Variants in DAB1 observed in about 807,000 individuals in gnomAD.
DAB1 encodes the protein DAB adaptor protein 1.
DAB1 carries 15 observed loss-of-function variants against 64.6 expected under a neutral mutation model. The ratio of observed to expected loss-of-function variants is 0.23; its 90% confidence interval spans 0.16 to 0.36. The LOEUF is 0.36. Ranked by LOEUF, DAB1 falls within the 10% of genes least tolerant of loss-of-function variation. The pLI, the probability that DAB1 is intolerant of heterozygous loss-of-function variation, is 1.00. For synonymous variants in DAB1, 235 were observed against 251.9 expected, an observed-to-expected ratio of 0.93 and a Z score of 0.64; for missense variants, 596 against 706.7, an observed-to-expected ratio of 0.84 and a Z score of 1.78.
chr1:58,151,659 C>G (rs1279356410), intron 4 of DAB1, among the ~76,000 whole-genome samples: 2 of 152,192 alleles, frequency 1.3e-5, no homozygotes, highest in Non-Finnish European at 2.9e-5. Flanking sequence ...CGCTGCCTTA[C>G]AGGCTCATTC....
At chr1:58,373,581 A>G (rs1644292457) in intron 3 of DAB1, among the ~76,000 whole-genome samples, 1 of 151,824 alleles carries the variant, frequency 6.6e-6, no homozygotes, top group Non-Finnish European at 1.5e-5. Flanking sequence ...ATTGTTGGAC[A>G]TTTGGGTTGG....
intron 6 of DAB1, among the ~76,000 whole-genome samples, chr1:57,807,669 A>G (rs182063403): frequency 6.6e-6 from 1 of 152,096 alleles, no homozygotes. Flanking sequence ...ACTTATACCT[A>G]CAATTTATAT....
intron 4 of DAB1, among the ~76,000 whole-genome samples, chr1:58,217,415 G>A (rs1658915409): frequency 6.6e-6 from 1 of 152,206 alleles, no homozygotes; most frequent in South Asian, 2.1e-4. Flanking sequence ...CAGAAGACAA[G>A]GTCAGCAGGC....
Position 58,111,022 on chromosome 1 carries a change from G to A in DAB1, n.387+39489C>T, listed in dbSNP as rs574823764. Among the ~76,000 whole-genome samples the A allele has an allele frequency of 7.9e-5, 12 of 152,318 alleles. No individual in the cohort carries two copies. The South Asian group carries it at 2.1e-3, about 26-fold the overall frequency. On this transcript the variant is annotated intron_variant and non_coding_transcript_variant, in intron 5 of 20. Transcript: ENST00000485760. ...ATTGTGCATCACTATTTCTGAGTTA[G>A]GGCCCTTCTGGGAGGGTGGTGTGTG...
intron 3 of DAB1, among the ~76,000 whole-genome samples, chr1:58,439,347 C>T (rs1315360168): frequency 6.6e-6 from 1 of 151,988 alleles, no homozygotes; most frequent in East Asian, 1.9e-4. Context: ...TCCTCAGTAC[C>T]TTCTTCTTGG....
intron 4 of DAB1, among the ~76,000 whole-genome samples, chr1:58,191,312 G>A (rs1570466170): frequency 6.6e-6 from 1 of 152,178 alleles, no homozygotes; most frequent in South Asian, 2.1e-4. Context: ...ATGAGGAAAT[G>A]GAGGTTTAGA....
chr1:57,339,409 G>A (rs974506850), intron 1 of DAB1, among the ~76,000 whole-genome samples: 1 of 152,174 alleles, frequency 6.6e-6, no homozygotes, highest in African/African-American at 2.4e-5. Context: ...ACACGCCTTG[G>A]CCTCCCAAAG....
At chr1:57,757,420 G>A (rs996634566) in intron 6 of DAB1, among the ~76,000 whole-genome samples, 4 of 151,948 alleles carry the variant, frequency 2.6e-5, no homozygotes, top group Admixed American at 1.3e-4. Context: ...TGTCAGCAGG[G>A]CCGTCCTCTC....
intron 2 of DAB1, among the ~76,000 whole-genome samples, chr1:57,236,533 A>G (rs1017123597): frequency 1.3e-5 from 2 of 152,194 alleles, no homozygotes; most frequent in African/African-American, 4.8e-5. Context: ...ACTTCAAGGC[A>G]TGACTGAAAA....
At chr1:57,441,989 G>A (rs1008852348) in intron 7 of DAB1, among the ~76,000 whole-genome samples, 10 of 152,310 alleles carry the variant, frequency 6.6e-5, no homozygotes, top group Non-Finnish European at 1.5e-4. Flanking sequence ...ACTGGTGTGA[G>A]ATGGTACCTT....
chr1:57,449,437 T>C (rs1686269158), intron 7 of DAB1, among the ~76,000 whole-genome samples: 1 of 150,894 alleles, frequency 6.6e-6, no homozygotes, highest in Non-Finnish European at 1.5e-5. Context: ...TAGAGTGCAG[T>C]GGTGTGATCA....
chr1:57,768,569 A>G (rs1396055330), intron 6 of DAB1, among the ~76,000 whole-genome samples: 3 of 149,908 alleles, frequency 2.0e-5, no homozygotes, highest in Non-Finnish European at 3.0e-5. Context: ...AAATATATAT[A>G]TTATCTATAT....
At chr1:58,000,253 A>G (rs1390077626) in intron 5 of DAB1, among the ~76,000 whole-genome samples, 1 of 152,214 alleles carries the variant, frequency 6.6e-6, no homozygotes, top group Admixed American at 6.5e-5. Context: ...TGTGAAATGT[A>G]CTTACAAAGT....
rs193249764 is a variant in DAB1 at position 57,923,204 on chromosome 1, A to G, written n.388-39042T>C. ...TTCACAGTTTTGTATAAAAGAGCTC[A>G]ACCAGGAATTTCCTGCCGATATCAA... is the stretch of plus-strand genomic sequence containing the variant. On this transcript the variant is annotated intron_variant and non_coding_transcript_variant, in intron 5 of 20. Coordinates refer to the DAB1 transcript ENST00000485760. 8.0e-4 allele frequency among the ~76,000 whole-genome samples: 122 copies of G among 152,266 alleles called. 2 individuals are homozygous for G. The highest frequency in any genetic ancestry group is 3.4e-3 in the Middle Eastern group (1 of 294).
At chr1:58,351,241 G>A (rs1173323128) in intron 3 of DAB1, among the ~76,000 whole-genome samples, 2 of 152,074 alleles carry the variant, frequency 1.3e-5, no homozygotes, top group Middle Eastern at 6.8e-3. Flanking sequence ...GCTCGTTTAA[G>A]GGAACAGATA....
At chr1:57,442,526 G>T (rs1685994353) in intron 7 of DAB1, among the ~76,000 whole-genome samples, 2 of 151,926 alleles carry the variant, frequency 1.3e-5, no homozygotes, top group Non-Finnish European at 2.9e-5. Context: ...ATTTGAGTGA[G>T]AATTTTTTTT....
At chr1:57,614,017 T>C (rs1457119940) in intron 7 of DAB1, among the ~76,000 whole-genome samples, 1 of 152,044 alleles carries the variant, frequency 6.6e-6, no homozygotes, top group Non-Finnish European at 1.5e-5. Flanking sequence ...CAAACTCAGG[T>C]TTCCACAGGG....
chr1:57,464,022 C>T (rs1297820273), intron 7 of DAB1, among the ~76,000 whole-genome samples: 1 of 152,146 alleles, frequency 6.6e-6, no homozygotes, highest in East Asian at 1.9e-4. Flanking sequence ...CATCAGGAAG[C>T]TAAACCATAT....
chr1:57,807,615 C>T (rs886345837), intron 6 of DAB1, among the ~76,000 whole-genome samples: 2 of 152,304 alleles, frequency 1.3e-5, no homozygotes, highest in South Asian at 2.1e-4. Flanking sequence ...CCTACAAATG[C>T]ATAATTGACC....
Sources: allele counts gnomAD v4.1 joint callset (sites outside exome capture counted in the v4.1 genomes callset), GRCh38; gene constraint gnomAD v4.1.1; transcripts MANE v1.5; gene names NCBI Gene and HGNC (gene_info 2026-07-23, HGNC 2026-07-21).